The following AQR variants were observed in gnomAD, a reference collection of about 807,000 sequenced individuals.
AQR encodes the protein RNA helicase aquarius.
Under a neutral mutation model 180.5 loss-of-function variants are expected in AQR, and 61 were observed. That is an observed-to-expected ratio of 0.34 (90% CI 0.28 to 0.42). The LOEUF (loss-of-function observed/expected upper bound fraction) is 0.42, where lower values mean the gene tolerates loss of function less well. Ranked by LOEUF, AQR falls within the 10% of genes least tolerant of loss-of-function variation. The probability of loss-of-function intolerance (pLI) is 1.00; values close to 1 mark genes in which losing one functional copy is unlikely to be tolerated. For missense variants in AQR, 1,281 were observed against 1,798.3 expected (o/e 0.71, Z 5.20); for synonymous variants, 551 against 588.8 (o/e 0.94, Z 0.93).
intron 9 of AQR, among the ~76,000 whole-genome samples, chr15:34,935,181 A>G (rs983584868): frequency 6.6e-6 from 1 of 152,192 alleles, no homozygotes; most frequent in Non-Finnish European, 1.5e-5. Context: ...TGACACAAAG[A>G]ACAATAAAAA....
At chr15:34,898,188 G>C (rs934136068) in intron 20 of AQR, among the ~76,000 whole-genome samples, 3 of 152,164 alleles carry the variant, frequency 2.0e-5, no homozygotes, top group Admixed American at 6.5e-5. Flanking sequence ...CAGAAGCCTT[G>C]TTATGACAGG....
intron 33 of AQR, 61 bp from the exon 34 acceptor site, chr15:34,860,216 C>A: frequency 9.6e-6 from 7 of 729,766 alleles, no homozygotes; most frequent in Non-Finnish European, 1.5e-5. Flanking sequence ...GGTAACACTT[C>A]AACATAAACC....
At chr15:34,912,943 G>C (rs922955090) in intron 16 of AQR, among the ~76,000 whole-genome samples, 4 of 152,098 alleles carry the variant, frequency 2.6e-5, no homozygotes, top group African/African-American at 4.8e-5. Context: ...TCAATGGCTT[G>C]GTTAGTATTG....
chr15:34,948,940 C>A (rs1894172233), intron 4 of AQR, among the ~76,000 whole-genome samples: 1 of 151,920 alleles, frequency 6.6e-6, no homozygotes, highest in African/African-American at 2.4e-5. Flanking sequence ...TCAAACGTTG[C>A]CAACATACAT....
intron 8 of AQR, among the ~76,000 whole-genome samples, chr15:34,940,181 A>G (rs1310697180): frequency 2.0e-5 from 3 of 152,354 alleles, no homozygotes; most frequent in Middle Eastern, 6.8e-3. Flanking sequence ...AGAGTAGTCC[A>G]GTGATTTGCA....
chr15:34,912,406 C>A (rs1236083818), intron 16 of AQR, among the ~76,000 whole-genome samples: 1 of 152,000 alleles, frequency 6.6e-6, no homozygotes, highest in Non-Finnish European at 1.5e-5. Context: ...TTCTGAAGGA[C>A]CTCTTTACTT....
chr15:34,876,611 T>TC (rs1892893234), intron 27 of AQR, among the ~76,000 whole-genome samples: 1 of 152,136 alleles, frequency 6.6e-6, no homozygotes, highest in Admixed American at 6.6e-5. Context: ...TAGTTCCTCC[T>TC]CTTCCTGTCT....
At chr15:34,961,361 G>A (rs753616797) in intron 2 of AQR, among the ~76,000 whole-genome samples, 14 of 151,870 alleles carry the variant, frequency 9.2e-5, no homozygotes, top group Admixed American at 4.6e-4. Context: ...ACTGTAATCC[G>A]AGCACTTTGG....
At chr15:34,916,279 T>C (rs1893583836) in intron 15 of AQR, among the ~76,000 whole-genome samples, 1 of 152,214 alleles carries the variant, frequency 6.6e-6, no homozygotes, top group South Asian at 2.1e-4. Context: ...GACCAGACAT[T>C]GTTTGTATGT....
chr15:34,961,551 A>G (rs945675014), intron 2 of AQR, among the ~76,000 whole-genome samples: 1 of 142,478 alleles, frequency 7.0e-6, no homozygotes, highest in Non-Finnish European at 1.5e-5. Flanking sequence ...CGGAGGTTGC[A>G]GTGAGTCAAG....
At position 34,856,667 on chromosome 15, in the gene AQR, A is replaced by C; in HGVS notation, c.*125T>G. ...ATATTCAAGACACCGAAATCAGTTAACAAATATAAGAACTAAACATTAATT... is the reference window on the plus strand; with the variant it reads ...ATATTCAAGACACCGAAATCAGTTACCAAATATAAGAACTAAACATTAATT... On this transcript the variant is annotated 3_prime_UTR_variant, in exon 35 of 35. Transcript: ENST00000156471. 1.3e-6 allele frequency: 1 copy of C among 771,352 alleles called. No homozygotes were observed. 47.8% of individuals were successfully genotyped at this position (771,352 alleles called of 1,614,324 possible).
At chr15:34,897,729 A>G in intron 20 of AQR, 24 bp from the exon 21 acceptor site, 1 of 1,612,372 alleles carries the variant, frequency 6.2e-7, no homozygotes. Flanking sequence ...ACTTCTGTTC[A>G]TTTTTGCAAT....
Position 34,947,525 on chromosome 15 carries a change from T to A in AQR, c.330+739A>T, listed in dbSNP as rs1223736967. ...TGATCAATAAAAAAAATAATAATAA[T>A]AATAATAATAATAAAATAAATAAAA... is the stretch of plus-strand genomic sequence containing the variant. On this transcript the variant is annotated intron_variant, in intron 5 of 34. Transcript: ENST00000156471. Among the ~76,000 whole-genome samples, 791 of 144,180 alleles carry A rather than the reference T, an allele frequency of 5.5e-3. 5 individuals are homozygous for A. The highest frequency in any genetic ancestry group is 0.016 in the African/African-American group (609 of 39,112). 94.6% of individuals were successfully genotyped at this position (144,180 alleles called of 152,430 possible).
At chr15:34,936,031 C>T (rs181038426) in intron 9 of AQR, among the ~76,000 whole-genome samples, 29 of 152,254 alleles carry the variant, frequency 1.9e-4, no homozygotes, top group Admixed American at 3.3e-4. Context: ...GCTCTGGTGA[C>T]TAAAGTTGCA....
intron 19 of AQR, 105 bp downstream of exon 19, chr15:34,904,230 AT>A (rs1410858061): frequency 5.5e-6 from 4 of 731,808 alleles, no homozygotes; most frequent in East Asian, 6.4e-5. Context: ...AGCAGTCATT[AT>A]TTTTTTCTTA....
intron 7 of AQR, among the ~76,000 whole-genome samples, chr15:34,941,309 T>G (rs1415627509): frequency 6.6e-6 from 1 of 152,176 alleles, no homozygotes; most frequent in African/African-American, 2.4e-5. Context: ...GCATAATCAC[T>G]AAGGTTTGAA....
chr15:34,930,402 T>C (rs763686010), intron 11 of AQR, 31 bp from the exon 12 acceptor site: 1 of 1,274,286 alleles, frequency 7.8e-7, no homozygotes, highest in Non-Finnish European at 1.1e-6. Flanking sequence ...GTATAAATCA[T>C]ATGAACATAA....
At chr15:34,878,501 T>C (rs1406638413) in intron 27 of AQR, among the ~76,000 whole-genome samples, 1 of 151,830 alleles carries the variant, frequency 6.6e-6, no homozygotes, top group East Asian at 1.9e-4. Context: ...CAGAACTTGG[T>C]ACATAGCTGA....
At chr15:34,959,579 A>T (rs1376537938) in intron 3 of AQR, among the ~76,000 whole-genome samples, 2 of 152,202 alleles carry the variant, frequency 1.3e-5, no homozygotes, top group African/African-American at 2.4e-5. Flanking sequence ...TGAAATAAAG[A>T]TCTACACCCA....
Sources: gnomAD v4.1 joint callset for allele counts (sites outside exome capture counted in the v4.1 genomes callset) on GRCh38, gnomAD v4.1.1 for gene constraint, MANE v1.5 for transcripts, NCBI Gene and HGNC (gene_info 2026-07-23, HGNC 2026-07-21) for gene names.